The following SRGAP3 variants were observed in gnomAD, a reference collection of about 807,000 sequenced individuals.
The protein encoded by SRGAP3 is SLIT-ROBO Rho GTPase activating protein 3, also known as SLIT-ROBO Rho GTPase-activating protein 3.
Under a neutral mutation model 121.1 loss-of-function variants are expected in SRGAP3, and 39 were observed. That is an observed-to-expected ratio of 0.32 (90% confidence interval 0.25 to 0.42). SRGAP3 has a LOEUF of 0.42. Among genes scored for constraint, SRGAP3 ranks in the 10% least tolerant of loss-of-function variants. The pLI is 1.00. For synonymous variants in SRGAP3, 601 were observed against 570.0 expected (o/e 1.05, Z -0.77); for missense variants, 1,213 against 1,470.6 (o/e 0.82, Z 2.86).
At chr3:9,359,517 C>CA (rs1363521896) in intron 1 of SRGAP3, among the ~76,000 whole-genome samples, 17 of 152,096 alleles carry the variant, frequency 1.1e-4, no homozygotes, top group African/African-American at 3.9e-4. Context: ...AGTGATTGGA[C>CA]AAAAAAATAC....
chr3:9,099,821 C>A (rs1948144090), intron 3 of SRGAP3, among the ~76,000 whole-genome samples: 1 of 152,198 alleles, frequency 6.6e-6, no homozygotes, highest in Non-Finnish European at 1.5e-5. Flanking sequence ...CTGATGCATG[C>A]TAGATTTTAA....
intron 1 of SRGAP3, among the ~76,000 whole-genome samples, chr3:9,351,063 G>A (rs1416349098): frequency 2.0e-5 from 3 of 152,010 alleles, no homozygotes; most frequent in Non-Finnish European, 4.4e-5. Flanking sequence ...CAAGAGTTCA[G>A]GCTGGGCTTC....
intron 3 of SRGAP3, among the ~76,000 whole-genome samples, chr3:9,089,424 A>G (rs1947650180): frequency 6.6e-6 from 1 of 151,462 alleles, no homozygotes; most frequent in African/African-American, 2.4e-5. Flanking sequence ...ATAGCAACTT[A>G]CTATAATCTG....
intron 18 of SRGAP3, among the ~76,000 whole-genome samples, chr3:9,000,217 G>C (rs764552038): frequency 6.6e-6 from 1 of 152,220 alleles, no homozygotes; most frequent in Non-Finnish European, 1.5e-5. Flanking sequence ...GTGGAGTGGA[G>C]AGACCAGGGC....
chr3:9,060,461 C>G (rs1946099029), intron 5 of SRGAP3, 102 bp from the exon 6 acceptor site: 2 of 1,351,944 alleles, frequency 1.5e-6, no homozygotes, highest in African/African-American at 3.7e-5. Context: ...GGGTGTTGCT[C>G]TGTCACCCAG....
intron 1 of SRGAP3, among the ~76,000 whole-genome samples, chr3:9,210,765 G>A (rs2125176801): frequency 6.6e-6 from 1 of 152,234 alleles, no homozygotes. Context: ...AAGAGGTAGA[G>A]GTTGCAGTGA....
intron 2 of SRGAP3, among the ~76,000 whole-genome samples, chr3:9,110,044 G>C (rs1560169173): frequency 6.6e-6 from 1 of 152,158 alleles, no homozygotes. Flanking sequence ...GAAGGGGAGT[G>C]AAAGGGTAAA....
chr3:9,061,450 T>C (rs550668586), intron 5 of SRGAP3, among the ~76,000 whole-genome samples: 1 of 152,292 alleles, frequency 6.6e-6, no homozygotes, highest in East Asian at 1.9e-4. Flanking sequence ...CCCTCAGCCT[T>C]GGCCCAAGGT....
intron 1 of SRGAP3, among the ~76,000 whole-genome samples, chr3:9,146,193 T>C (rs1289933406): frequency 6.6e-6 from 1 of 152,190 alleles, no homozygotes; most frequent in African/African-American, 2.4e-5. Context: ...AAGCAGGTAT[T>C]CCACGTGTTG....
chr3:9,033,330 G>A (rs1365426814), intron 11 of SRGAP3: 1 of 155,266 alleles, frequency 6.4e-6, no homozygotes, highest in Non-Finnish European at 1.4e-5. Context: ...TGCCATGAGG[G>A]AGGCTGCAAC....
chr3:9,348,830 C>T, intron 1 of SRGAP3: 1 of 1,343,694 alleles, frequency 7.4e-7, no homozygotes, highest in South Asian at 1.2e-5. Flanking sequence ...GCCCGACCAT[C>T]CTTTCTACAA....
At chr3:9,123,390 C>T (rs56898085) in intron 2 of SRGAP3, among the ~76,000 whole-genome samples, 24,635 of 55,728 alleles carry the variant, frequency 0.44, 2,636 homozygotes, top group African/African-American at 0.55. Context: ...TATATATATA[C>T]ATACACAATA....
In SRGAP3 at chr3:9,321,369, C is replaced by T. The variant is rs186326599; in HGVS notation, n.442+4641G>A. On this transcript the variant is annotated intron_variant and non_coding_transcript_variant, in intron 3 of 3. Coordinates refer to the SRGAP3 transcript ENST00000490889. ...AGTGATTTTTACTATTTTTAAGCCA[C>T]TGTGTTTTGAGGTAGTTTGTTATAT... Among the ~76,000 whole-genome samples the T allele has an allele frequency of 2.6e-5, 4 of 151,960 alleles. No homozygotes were observed. The East Asian group carries it at 7.7e-4, about 29-fold the overall frequency.
At position 9,268,447 on chromosome 3, in the gene SRGAP3, C is replaced by A. The variant is rs60802090; in HGVS notation, n.442+57563G>T. On this transcript the variant is annotated intron_variant and non_coding_transcript_variant, in intron 3 of 3. Coordinates refer to the SRGAP3 transcript ENST00000490889. The stretch of plus-strand genomic sequence containing the variant: ...AACCTAGCTGGCCTCTAAATTCCGA[C>A]TGAGAGGCTCCAAAGTTGTAACAAA... 4.7e-3 allele frequency among the ~76,000 whole-genome samples: 722 copies of A among 152,224 alleles called. 3 individuals carry two copies. The highest frequency in any genetic ancestry group is 0.017 in the African/African-American group (703 of 41,540).
chr3:9,217,489 C>T (rs1431039404), intron 1 of SRGAP3: 4 of 152,150 alleles, frequency 2.6e-5, no homozygotes, highest in Admixed American at 2.6e-4. Context: ...AAGACTCCCT[C>T]CTCCCCGCAA....
At chr3:9,281,231 T>C (rs1379402468) in intron 3 of SRGAP3, among the ~76,000 whole-genome samples, 1 of 152,188 alleles carries the variant, frequency 6.6e-6, no homozygotes, top group Non-Finnish European at 1.5e-5. Context: ...GGCCAGCTTT[T>C]AAAGAACATC....
At chr3:9,324,331 G>C (rs1483060794) in intron 3 of SRGAP3, among the ~76,000 whole-genome samples, 2 of 151,884 alleles carry the variant, frequency 1.3e-5, no homozygotes, top group Admixed American at 6.5e-5. Flanking sequence ...TCAATTTTGA[G>C]AGATTGACCA....
chr3:9,244,440 C>CA (rs34573307), intron 1 of SRGAP3, among the ~76,000 whole-genome samples: 89,953 of 149,034 alleles, frequency 0.6, 27,497 homozygotes, highest in Admixed American at 0.63. Context: ...GAATATGTAA[C>CA]AAAAAAAAAA....
chr3:9,174,681 C>T (rs1358534921), intron 1 of SRGAP3, among the ~76,000 whole-genome samples: 1 of 152,208 alleles, frequency 6.6e-6, no homozygotes, highest in Non-Finnish European at 1.5e-5. Context: ...CTGACCTTGC[C>T]CGTTCTCACC....
Sources: gnomAD v4.1 joint callset for allele counts (sites outside exome capture counted in the v4.1 genomes callset) on GRCh38, gnomAD v4.1.1 for gene constraint, MANE v1.5 for transcripts, NCBI Gene and HGNC (gene_info 2026-07-23, HGNC 2026-07-21) for gene names.